NDFIP1: variants seen among roughly 807,000 people sequenced by gnomAD.
NDFIP1 encodes NEDD4 family-interacting protein 1.
In NDFIP1, 7 loss-of-function variants were observed where a neutral mutation model predicts 28.8. That is an observed-to-expected ratio of 0.24 (90% CI 0.14 to 0.46). The LOEUF is 0.46. NDFIP1 is among the 20% of genes least tolerant of loss of function. The pLI is 0.99. For synonymous variants in NDFIP1, 92 were observed against 101.0 expected (o/e 0.91, Z 0.53); for missense variants, 194 against 269.1 (o/e 0.72, Z 1.95).
At position 142,153,907 on chromosome 5, in the gene NDFIP1, T is replaced by G. The variant is rs1456287429; in HGVS notation, c.*2179T>G. On this transcript the variant is annotated 3_prime_UTR_variant, in exon 8 of 8. Transcript: ENST00000253814. ...GGAATTCCTATTTCTACGTATTTGG[T>G]GGTCCATAAGACTTTGTCAAATGTA... The G allele has an allele frequency of 6.5e-6, 1 of 153,226 alleles. No homozygotes were observed. Among genetic ancestry groups the G allele is most frequent in the Admixed American group, 6.5e-5 (1 of 15,420 alleles). 9.5% of individuals were successfully genotyped at this position (153,226 alleles called of 1,614,324 possible). A position where few individuals can be genotyped will look rare whatever the true frequency, so the allele number is the denominator to read the frequency against.
chr5:142,148,302 G>A (rs889443416), intron 7 of NDFIP1, among the ~76,000 whole-genome samples: 3 of 152,128 alleles, frequency 2.0e-5, no homozygotes, highest in African/African-American at 7.2e-5. Flanking sequence ...TAAAGCTCAT[G>A]TACTACTATC....
intron 4 of NDFIP1, among the ~76,000 whole-genome samples, chr5:142,137,391 CT>C (rs1171176655): frequency 6.6e-6 from 1 of 152,020 alleles, no homozygotes; most frequent in Non-Finnish European, 1.5e-5. Context: ...CACTGTGGTG[CT>C]CAGGCTGGTC....
intron 7 of NDFIP1, among the ~76,000 whole-genome samples, chr5:142,148,910 C>T (rs181915978): frequency 6.6e-6 from 1 of 152,082 alleles, no homozygotes; most frequent in Non-Finnish European, 1.5e-5. Context: ...TGGATTACCA[C>T]CTCCTCTGAT....
intron 1 of NDFIP1, among the ~76,000 whole-genome samples, chr5:142,114,512 A>C (rs1367127506): frequency 6.6e-6 from 1 of 152,342 alleles, no homozygotes; most frequent in East Asian, 1.9e-4. Flanking sequence ...GTAGTGTAAG[A>C]AATTTTATGT....
At chr5:142,141,707 C>T (rs952399466) in intron 6 of NDFIP1, among the ~76,000 whole-genome samples, 1 of 152,208 alleles carries the variant, frequency 6.6e-6, no homozygotes, top group Non-Finnish European at 1.5e-5. Flanking sequence ...CACTGTGCTT[C>T]TGTGACATCA....
chr5:142,110,428 C>G (rs938212036), intron 1 of NDFIP1, among the ~76,000 whole-genome samples: 1 of 152,164 alleles, frequency 6.6e-6, no homozygotes, highest in Non-Finnish European at 1.5e-5. Flanking sequence ...TCCTTTTCAT[C>G]CTGACTTGGA....
At chr5:142,125,477 C>T (rs1331208671) in intron 1 of NDFIP1, among the ~76,000 whole-genome samples, 1 of 152,180 alleles carries the variant, frequency 6.6e-6, no homozygotes, top group Non-Finnish European at 1.5e-5. Context: ...ATCCTCCTGT[C>T]TCAGCGTCTT....
At chr5:142,109,163 C>A in intron 1 of NDFIP1, 126 bp downstream of exon 1, 1 of 865,740 alleles carries the variant, frequency 1.2e-6, no homozygotes, top group Non-Finnish European at 1.5e-6. Flanking sequence ...CCGCGCTGGG[C>A]CTGGAGGGGC....
At chr5:142,150,881 T>C (rs916631999) in intron 7 of NDFIP1, among the ~76,000 whole-genome samples, 3 of 152,234 alleles carry the variant, frequency 2.0e-5, no homozygotes, top group Non-Finnish European at 2.9e-5. Context: ...TCTCAATAAA[T>C]GTTTATTAAG....
At chr5:142,129,655 A>T (rs1757205710) in intron 1 of NDFIP1, among the ~76,000 whole-genome samples, 2 of 152,138 alleles carry the variant, frequency 1.3e-5, no homozygotes, top group South Asian at 4.1e-4. Flanking sequence ...GGCCGGGCAC[A>T]ATGGCTCACG....
chr5:142,144,115 C>T (rs1757364415), intron 6 of NDFIP1: 1 of 154,116 alleles, frequency 6.5e-6, no homozygotes, highest in Non-Finnish European at 1.4e-5. Flanking sequence ...TATATACTGT[C>T]GACAGAAAAA....
At chr5:142,140,886 T>C (rs542098931) in intron 6 of NDFIP1, among the ~76,000 whole-genome samples, 2 of 152,194 alleles carry the variant, frequency 1.3e-5, no homozygotes, top group Non-Finnish European at 2.9e-5. Context: ...ATGTGATAAA[T>C]GGGGTATGCT....
At chr5:142,110,803 G>A (rs1441721877) in intron 1 of NDFIP1, among the ~76,000 whole-genome samples, 2 of 151,988 alleles carry the variant, frequency 1.3e-5, no homozygotes, top group Admixed American at 1.3e-4. Flanking sequence ...ATGCAGGAAA[G>A]CTAATATTGA....
intron 3 of NDFIP1, among the ~76,000 whole-genome samples, chr5:142,133,339 T>G (rs1470406427): frequency 2.0e-5 from 3 of 152,228 alleles, no homozygotes; most frequent in African/African-American, 7.2e-5. Context: ...TGCCGTATAT[T>G]GGAAGCAAAC....
chr5:142,132,166 C>G, intron 2 of NDFIP1, 46 bp from the exon 3 acceptor site: 1 of 1,598,334 alleles, frequency 6.3e-7, no homozygotes. Flanking sequence ...CCTTTTATTT[C>G]AATTCAGCTA....
chr5:142,119,444 C>G (rs917276069), intron 1 of NDFIP1, among the ~76,000 whole-genome samples: 10 of 152,330 alleles, frequency 6.6e-5, no homozygotes, highest in Admixed American at 3.9e-4. Context: ...TTTCCTCCAC[C>G]CACTTGAGTG....
At chr5:142,142,940 A>AAAAAT (rs60076432) in intron 6 of NDFIP1, 38 of 38,140 alleles carry the variant, frequency 1.0e-3, no homozygotes, top group Admixed American at 3.6e-3. Flanking sequence ...AAAAAAAAAA[A>AAAAAT]ATATATATAT....
At chr5:142,115,114 A>G (rs1757051797) in intron 1 of NDFIP1, among the ~76,000 whole-genome samples, 1 of 152,232 alleles carries the variant, frequency 6.6e-6, no homozygotes, top group African/African-American at 2.4e-5. Context: ...AAATCCTACC[A>G]TGAGAATAAC....
intron 1 of NDFIP1, among the ~76,000 whole-genome samples, chr5:142,120,282 C>T (rs1251297388): frequency 2.0e-5 from 3 of 152,154 alleles, no homozygotes; most frequent in African/African-American, 4.8e-5. Context: ...TTATAAATCT[C>T]GTCTACAGCC....
Sources: allele counts gnomAD v4.1 joint callset (sites outside exome capture counted in the v4.1 genomes callset), GRCh38; gene constraint gnomAD v4.1.1; transcripts MANE v1.5; gene names NCBI Gene and HGNC (gene_info 2026-07-23, HGNC 2026-07-21).